The following ZFP90 variants were observed in gnomAD, a reference collection of about 807,000 sequenced individuals.
The protein encoded by ZFP90 is zinc finger protein 90 homolog.
In ZFP90, 38 loss-of-function variants were observed where a neutral mutation model predicts 60.8. That is an observed-to-expected ratio of 0.62 (90% CI 0.48 to 0.82). The LOEUF is 0.82. Ranked by LOEUF, ZFP90 falls within the 40% of genes least tolerant of loss-of-function variation. The probability of loss-of-function intolerance (pLI) is 0.00; values close to 1 mark genes in which losing one functional copy is unlikely to be tolerated. For synonymous variants in ZFP90, 287 were observed against 264.8 expected (o/e 1.08, Z -0.82); for missense variants, 711 against 759.1 (o/e 0.94, Z 0.74).
chr16:68,540,431 C>A (rs2091020903), intron 2 of ZFP90, among the ~76,000 whole-genome samples: 1 of 152,172 alleles, frequency 6.6e-6, no homozygotes, highest in South Asian at 2.1e-4. Context: ...AACTCACTCC[C>A]CACCGCCAGA....
upstream of ZFP90, chr16:68,539,238 G>A (rs1372559542): frequency 6.5e-6 from 1 of 152,936 alleles, no homozygotes; most frequent in African/African-American, 2.4e-5. Flanking sequence ...TGTAGTTCGC[G>A]CGCCCGGCGT....
At chr16:68,533,548 C>T (rs1357711315) in intron 1 of ZFP90, 2 of 152,120 alleles carry the variant, frequency 1.3e-5, no homozygotes, top group Non-Finnish European at 2.9e-5. Flanking sequence ...TGAAAGACAC[C>T]CAACTTTAAT....
intron 2 of ZFP90, among the ~76,000 whole-genome samples, chr16:68,551,471 G>T (rs1174775274): frequency 6.8e-6 from 1 of 146,704 alleles, no homozygotes; most frequent in Non-Finnish European, 1.5e-5. Flanking sequence ...GCCCAGGCTG[G>T]AGTGCAGTAG....
intron 2 of ZFP90, among the ~76,000 whole-genome samples, chr16:68,543,328 T>G (rs1355490662): frequency 1.3e-5 from 2 of 152,160 alleles, no homozygotes; most frequent in Non-Finnish European, 2.9e-5. Context: ...ATAAAAAGTT[T>G]GATATTATAT....
Position 68,563,419 on chromosome 16 carries a change from A to T in ZFP90, c.632A>T (p.Tyr211Phe). The T allele has an allele frequency of 6.2e-7, 1 of 1,613,344 alleles. No homozygotes were observed. The highest frequency in any genetic ancestry group is 2.2e-5 in the East Asian group (1 of 44,890). Reference protein sequence around the residue: ...ENNILAKKKPYKCDKCRKAFI... With the variant: ...ENNILAKKKPFKCDKCRKAFI... ...AATATTCTTGCAAAAAAGAAACCCT[A>T]TAAGTGTGATAAATGTAGAAAAGCC... Residue 211 changes from tyrosine (Y) to phenylalanine (F), a missense_variant, in exon 5 of 5, where the codon TAT (tyrosine) becomes TTT (phenylalanine). Tyr to Phe is a conservative substitution (Grantham distance 22). Transcript: ENST00000563169.
At chr16:68,561,210 T>G (rs2091435113) in intron 4 of ZFP90, among the ~76,000 whole-genome samples, 1 of 152,212 alleles carries the variant, frequency 6.6e-6, no homozygotes, top group South Asian at 2.1e-4. Context: ...CTTTATCTTC[T>G]TAAAATTTCT....
chr16:68,541,427 A>G (rs2091047274), intron 2 of ZFP90, among the ~76,000 whole-genome samples: 1 of 151,714 alleles, frequency 6.6e-6, no homozygotes, highest in South Asian at 2.1e-4. Flanking sequence ...CAGCCTCCCA[A>G]AGTGTTGGGA....
chr16:68,540,716 A>T (rs1461495662), intron 2 of ZFP90, among the ~76,000 whole-genome samples: 2 of 150,154 alleles, frequency 1.3e-5, no homozygotes, highest in Non-Finnish European at 3.0e-5. Context: ...TCACACCTGT[A>T]AGTCCAGCAC....
chr16:68,561,922 T>G (rs2091444369), intron 4 of ZFP90: 1 of 152,208 alleles, frequency 6.6e-6, no homozygotes, highest in Non-Finnish European at 1.5e-5. Context: ...GAAAAAAATT[T>G]TACAGTCAAT....
chr16:68,572,658 G>T (rs994544498), intron 2 of ZFP90, among the ~76,000 whole-genome samples: 1 of 152,184 alleles, frequency 6.6e-6, no homozygotes, highest in Non-Finnish European at 1.5e-5. Context: ...AGGGGTGGGG[G>T]ACTTGGGCAC....
intron 4 of ZFP90, 142 bp from the exon 5 acceptor site, chr16:68,562,902 C>T: frequency 6.5e-7 from 1 of 1,530,148 alleles, no homozygotes; most frequent in Non-Finnish European, 8.8e-7. Context: ...TCCTTTTCTC[C>T]ATTTTGGGTC....
intron 1 of ZFP90, 133 bp from the exon 2 acceptor site, chr16:68,539,625 G>C: frequency 1.5e-6 from 1 of 681,794 alleles, no homozygotes; most frequent in Non-Finnish European, 2.3e-6. Flanking sequence ...GGGAGCGGCA[G>C]GCCCGGGCTG....
intron 2 of ZFP90, among the ~76,000 whole-genome samples, chr16:68,542,296 G>A (rs937903240): frequency 6.6e-6 from 1 of 152,144 alleles, no homozygotes; most frequent in African/African-American, 2.4e-5. Context: ...CCTTTGAATA[G>A]GAGCAGAGTC....
intron 2 of ZFP90, among the ~76,000 whole-genome samples, chr16:68,543,091 T>C (rs2091081148): frequency 6.6e-6 from 1 of 152,068 alleles, no homozygotes; most frequent in African/African-American, 2.4e-5. Flanking sequence ...GTAAGCCTTA[T>C]CCTTATTGAG....
intron 2 of ZFP90, among the ~76,000 whole-genome samples, chr16:68,546,486 CAT>C (rs1295483828): frequency 6.6e-6 from 1 of 152,124 alleles, no homozygotes; most frequent in African/African-American, 2.4e-5. Context: ...TACTCTATCT[CAT>C]ATAAGTGGAA....
chr16:68,542,328 G>A (rs1009379903), intron 2 of ZFP90, among the ~76,000 whole-genome samples: 3 of 151,970 alleles, frequency 2.0e-5, no homozygotes, highest in African/African-American at 7.2e-5. Flanking sequence ...AAACAAAAGG[G>A]GACTGTAATC....
chr16:68,574,580 C>T (rs1458392761), intron 2 of ZFP90, among the ~76,000 whole-genome samples: 1 of 152,050 alleles, frequency 6.6e-6, no homozygotes, highest in African/African-American at 2.4e-5. Flanking sequence ...GAAACAATTC[C>T]TGATCCTAGC....
At chr16:68,540,073 G>A (rs574169601) in intron 2 of ZFP90, among the ~76,000 whole-genome samples, 1 of 152,284 alleles carries the variant, frequency 6.6e-6, no homozygotes, top group Non-Finnish European at 1.5e-5. Context: ...GGATGCGTTG[G>A]GAAGTGTCAG....
intron 2 of ZFP90, among the ~76,000 whole-genome samples, chr16:68,543,566 C>CT (rs56788189): frequency 4.6e-4 from 61 of 133,448 alleles, no homozygotes; most frequent in Non-Finnish European, 6.0e-4. Flanking sequence ...GCCTTTTTTT[C>CT]TTTTTTTTTT....
Sources: allele counts gnomAD v4.1 joint callset (sites outside exome capture counted in the v4.1 genomes callset), GRCh38; gene constraint gnomAD v4.1.1; transcripts MANE v1.5; gene names NCBI Gene and HGNC (gene_info 2026-07-23, HGNC 2026-07-21).